CYP7B1: variants seen among roughly 807,000 people sequenced by gnomAD.
The protein encoded by CYP7B1 is cytochrome P450 family 7 subfamily B member 1.
A neutral mutation model predicts 42.7 loss-of-function variants in CYP7B1; 29 were observed. The ratio of observed to expected loss-of-function variants is 0.68; its 90% CI spans 0.51 to 0.93. CYP7B1 has a LOEUF of 0.93. CYP7B1 is among the 40% of genes least tolerant of loss of function. The pLI, the probability that CYP7B1 is intolerant of heterozygous loss-of-function variation, is 0.00. For missense variants in CYP7B1, 655 were observed against 600.5 expected, an observed-to-expected ratio of 1.09 and a Z score of -0.95; for synonymous variants, 235 against 218.2, an observed-to-expected ratio of 1.08 and a Z score of -0.68.
intron 1 of CYP7B1, chr8:64,732,990 G>T (rs1455760309): frequency 6.6e-6 from 1 of 152,148 alleles, no homozygotes; most frequent in Non-Finnish European, 1.5e-5. Context: ...AGAGAAACCA[G>T]GCCTACCTGG....
intron 1 of CYP7B1, among the ~76,000 whole-genome samples, chr8:64,665,365 G>A (rs771728307): frequency 3.3e-5 from 5 of 152,028 alleles, no homozygotes; most frequent in Non-Finnish European, 7.4e-5. Context: ...TCAAGGAGGA[G>A]GGGTCCTTTT....
At chr8:64,663,829 C>T (rs1390759548) in intron 1 of CYP7B1, among the ~76,000 whole-genome samples, 2 of 152,212 alleles carry the variant, frequency 1.3e-5, no homozygotes, top group African/African-American at 2.4e-5. Flanking sequence ...GGCAACACCA[C>T]GCGTCTCTCT....
At chr8:64,637,551 A>T (rs1269029406) in intron 1 of CYP7B1, among the ~76,000 whole-genome samples, 1 of 152,152 alleles carries the variant, frequency 6.6e-6, no homozygotes, top group Non-Finnish European at 1.5e-5. Context: ...ATCCATCATC[A>T]CCAGTATTAG....
At chr8:64,617,293 G>A (rs1220975119) in intron 2 of CYP7B1, among the ~76,000 whole-genome samples, 1 of 152,188 alleles carries the variant, frequency 6.6e-6, no homozygotes, top group Non-Finnish European at 1.5e-5. Flanking sequence ...AGGTCCTCAA[G>A]TGATTCTTAT....
Position 64,652,175 on chromosome 8 carries a change from C to T in CYP7B1, c.123-27636G>A, listed in dbSNP as rs1016749032. 7.2e-5 allele frequency among the ~76,000 whole-genome samples: 11 copies of T among 152,250 alleles called. No individual in the cohort carries two copies. In the South Asian group the frequency reaches 8.3e-4, roughly 11 times the overall value. Reference sequence around the variant, plus strand: ...CTAGCCTATGATCTCTCCAAATTACCAATGATTCCAAACTTTCGTTATTCA... The same window carrying T: ...CTAGCCTATGATCTCTCCAAATTACTAATGATTCCAAACTTTCGTTATTCA... On this transcript the variant is annotated intron_variant, in intron 1 of 5. Transcript: ENST00000310193.
intron 1 of CYP7B1, among the ~76,000 whole-genome samples, chr8:64,793,540 A>C (rs1409682750): frequency 6.6e-6 from 1 of 152,130 alleles, no homozygotes; most frequent in African/African-American, 2.4e-5. Flanking sequence ...ACAGTGATTT[A>C]AAAATATATC....
chr8:64,624,876 G>A (rs73237771), intron 1 of CYP7B1, among the ~76,000 whole-genome samples: 7,873 of 145,216 alleles, frequency 0.054, 768 homozygotes, highest in African/African-American at 0.19. Context: ...CCAATATGTA[G>A]TCTTTTATCC....
intron 1 of CYP7B1, among the ~76,000 whole-genome samples, chr8:64,787,060 G>A (rs1271278483): frequency 1.3e-5 from 2 of 152,196 alleles, no homozygotes; most frequent in Non-Finnish European, 2.9e-5. Flanking sequence ...CAGTGGGGCA[G>A]GGGTTAGGCC....
chr8:64,778,157 G>T (rs1804357102), intron 1 of CYP7B1, among the ~76,000 whole-genome samples: 1 of 128,300 alleles, frequency 7.8e-6, no homozygotes, highest in Non-Finnish European at 1.6e-5. Context: ...GAAGCAAAAA[G>T]GGTAGAACTA....
chr8:64,735,765 C>T (rs115124062), intron 1 of CYP7B1, among the ~76,000 whole-genome samples: 77 of 152,208 alleles, frequency 5.1e-4, no homozygotes, highest in African/African-American at 1.7e-3. Flanking sequence ...TGGGACATCC[C>T]ATTTGCTGTG....
downstream of CYP7B1, chr8:64,587,714 T>G (rs914125591): frequency 1.3e-5 from 2 of 152,274 alleles, no homozygotes; most frequent in Non-Finnish European, 2.9e-5. Context: ...TTATCAAGTA[T>G]ACTAGAATGT....
intron 1 of CYP7B1, among the ~76,000 whole-genome samples, chr8:64,635,617 C>A (rs556734181): frequency 5.3e-5 from 8 of 152,340 alleles, no homozygotes; most frequent in South Asian, 2.1e-4. Context: ...ACTGTTCAAG[C>A]ACTTTTAATC....
At position 64,616,322 on chromosome 8, in the gene CYP7B1, T is replaced by G. The variant is rs772095797; in HGVS notation, c.260-41A>C. ...GAGAGAGAAAATATGAGTTCGTTTG[T>G]TAATAAAACAGAAATAAACACCACA... On this transcript the variant is annotated intron_variant, in intron 2 of 5. Coordinates refer to ENST00000310193, the MANE Select transcript of CYP7B1 (RefSeq NM_004820.5). 24 of 1,260,902 alleles carry G rather than the reference T, an allele frequency of 1.9e-5. No homozygotes were observed. The African/African-American group carries it at 3.5e-4, about 18-fold the overall frequency. 78.1% of individuals were successfully genotyped at this position (1,260,902 alleles called of 1,614,324 possible).
At chr8:64,639,976 G>GA (rs1222192983) in intron 1 of CYP7B1, among the ~76,000 whole-genome samples, 1 of 151,898 alleles carries the variant, frequency 6.6e-6, no homozygotes, top group Non-Finnish European at 1.5e-5. Flanking sequence ...TGGAATAAAA[G>GA]AAAAAAGAAC....
chr8:64,752,852 C>T (rs961863894), intron 1 of CYP7B1, among the ~76,000 whole-genome samples: 7 of 152,140 alleles, frequency 4.6e-5, no homozygotes, highest in African/African-American at 1.4e-4. Flanking sequence ...CCATCAATGT[C>T]TTGTCTCTGA....
At chr8:64,655,283 G>A (rs1176089513) in intron 1 of CYP7B1, among the ~76,000 whole-genome samples, 1 of 152,034 alleles carries the variant, frequency 6.6e-6, no homozygotes, top group Non-Finnish European at 1.5e-5. Context: ...TCTGACAAAG[G>A]TCTAATATCC....
chr8:64,719,515 T>A (rs1807207290), intron 1 of CYP7B1, among the ~76,000 whole-genome samples: 1 of 152,250 alleles, frequency 6.6e-6, no homozygotes, highest in South Asian at 2.1e-4. Flanking sequence ...AGCTACACGC[T>A]GCCTTTGGGT....
intron 1 of CYP7B1, among the ~76,000 whole-genome samples, chr8:64,686,530 AG>A: frequency 1.7e-5 from 1 of 57,752 alleles, no homozygotes. Flanking sequence ...CTGCCCGGCC[AG>A]CCACCCCGTC....
rs145961832 is a variant in CYP7B1 at position 64,659,711 on chromosome 8, T to C, written c.123-35172A>G. ...CAAAGTTCTTAGATCATAACTTCTG[T>C]TAAATAGGAGAATATAGGAGCTCCA... On this transcript the variant is annotated intron_variant, in intron 1 of 5. Coordinates refer to ENST00000310193, the MANE Select transcript of CYP7B1 (RefSeq NM_004820.5). Among the ~76,000 whole-genome samples the C allele has an allele frequency of 6.0e-4, 91 of 152,252 alleles. 1 individual carries two copies. The highest frequency in any genetic ancestry group is 2.1e-3 in the African/African-American group (86 of 41,548).
Sources: allele counts gnomAD v4.1 joint callset (sites outside exome capture counted in the v4.1 genomes callset), GRCh38; gene constraint gnomAD v4.1.1; transcripts MANE v1.5; gene names NCBI Gene and HGNC (gene_info 2026-07-23, HGNC 2026-07-21).